The following HDAC9 variants were observed in gnomAD, a reference collection of about 807,000 sequenced individuals.
The protein encoded by HDAC9 is MEF-2 interacting transcription repressor (MITR) protein.
A neutral mutation model predicts 139.4 loss-of-function variants in HDAC9; 41 were observed. The observed-to-expected ratio is 0.29, with a 90% confidence interval of 0.23 to 0.38. The LOEUF is 0.38. HDAC9 is among the 10% of genes least tolerant of loss of function. HDAC9 has a pLI of 1.00. For synonymous variants in HDAC9, 517 were observed against 476.2 expected (o/e 1.09, Z -1.12); for missense variants, 1,147 against 1,297.0 (o/e 0.88, Z 1.78).
At chr7:18,132,006 G>C (rs1346729180) in intron 1 of HDAC9, among the ~76,000 whole-genome samples, 1 of 152,176 alleles carries the variant, frequency 6.6e-6, no homozygotes, top group Non-Finnish European at 1.5e-5. Flanking sequence ...ATCACTGCTT[G>C]TTCTGTGGGC....
chr7:18,689,219 T>C (rs1782494579), intron 12 of HDAC9, among the ~76,000 whole-genome samples: 1 of 151,468 alleles, frequency 6.6e-6, no homozygotes, highest in South Asian at 2.1e-4. Flanking sequence ...TTCTAAACAT[T>C]ATTGCAACTT....
intron 25 of HDAC9, among the ~76,000 whole-genome samples, chr7:18,985,502 C>T (rs1246685034): frequency 3.3e-5 from 5 of 152,214 alleles, no homozygotes; most frequent in South Asian, 4.2e-4. Context: ...CAAGTCTTTC[C>T]TATTGTGAAT....
chr7:18,955,075 A>G (rs937350932), intron 24 of HDAC9, among the ~76,000 whole-genome samples: 1 of 152,180 alleles, frequency 6.6e-6, no homozygotes, highest in Non-Finnish European at 1.5e-5. Flanking sequence ...ACTGAGGGCT[A>G]TATGTACCCA....
At chr7:18,410,182 C>A (rs1242361104) in intron 1 of HDAC9, among the ~76,000 whole-genome samples, 1 of 152,064 alleles carries the variant, frequency 6.6e-6, no homozygotes, top group East Asian at 1.9e-4. Flanking sequence ...AAAATTCATT[C>A]TTTAGAAATG....
At chr7:18,339,537 A>C (rs915134920) in intron 1 of HDAC9, among the ~76,000 whole-genome samples, 1 of 151,500 alleles carries the variant, frequency 6.6e-6, no homozygotes, top group African/African-American at 2.4e-5. Context: ...GATAATTTGC[A>C]TAGTAGCTTC....
intron 22 of HDAC9, among the ~76,000 whole-genome samples, chr7:18,909,476 C>G (rs1372077002): frequency 1.3e-5 from 2 of 151,892 alleles, no homozygotes; most frequent in African/African-American, 4.8e-5. Flanking sequence ...AGCTGAATGT[C>G]CCAAAGCATT....
rs778897747 is a variant in HDAC9 at position 18,162,413 on chromosome 7, T to A, written c.25+64T>A. On this transcript the variant is annotated intron_variant, in intron 2 of 12. Transcript: ENST00000417496. The stretch of plus-strand genomic sequence containing the variant: ...TGTGAAAGATGTTGCTTTGTGTTGT[T>A]TCAAACCAAGTAATTTAATTTATGA... 171 of 1,411,318 alleles carry A rather than the reference T, an allele frequency of 1.2e-4. 1 individual carries two copies. The highest frequency in any genetic ancestry group is 1.5e-4 in the Non-Finnish European group (152 of 1,046,786). 87.4% of individuals were successfully genotyped at this position (1,411,318 alleles called of 1,614,324 possible). A position where few individuals can be genotyped will look rare whatever the true frequency, so the allele number is the denominator to read the frequency against.
chr7:18,149,503 G>T (rs1319965146), intron 1 of HDAC9, among the ~76,000 whole-genome samples: 3 of 150,006 alleles, frequency 2.0e-5, no homozygotes, highest in Non-Finnish European at 3.0e-5. Flanking sequence ...CTACAGGCAC[G>T]TACCACCATG....
At chr7:18,838,953 C>T (rs1796412254) in intron 21 of HDAC9, among the ~76,000 whole-genome samples, 1 of 151,800 alleles carries the variant, frequency 6.6e-6, no homozygotes, top group African/African-American at 2.4e-5. Context: ...AAATCATAGA[C>T]AAACCAAAGA....
At chr7:18,585,863 C>G (rs1726594) in intron 3 of HDAC9, among the ~76,000 whole-genome samples, 1 of 152,026 alleles carries the variant, frequency 6.6e-6, no homozygotes, top group Non-Finnish European at 1.5e-5. Context: ...AGACCCATTT[C>G]ATATTTCATT....
chr7:18,248,675 A>C (rs1044061834), intron 2 of HDAC9, among the ~76,000 whole-genome samples: 4 of 152,198 alleles, frequency 2.6e-5, no homozygotes, highest in Non-Finnish European at 5.9e-5. Flanking sequence ...GCTAAAATGC[A>C]ATAAATGATC....
intron 1 of HDAC9, among the ~76,000 whole-genome samples, chr7:18,380,863 T>C (rs1785370682): frequency 6.6e-6 from 1 of 152,076 alleles, no homozygotes; most frequent in Non-Finnish European, 1.5e-5. Flanking sequence ...AAGCTATCTC[T>C]TCATATTTAT....
chr7:18,383,733 A>T (rs1045956245), intron 1 of HDAC9, among the ~76,000 whole-genome samples: 1 of 151,326 alleles, frequency 6.6e-6, no homozygotes, highest in African/African-American at 2.4e-5. Context: ...AAAAAAAAAT[A>T]CAAAAAATTA....
chr7:18,911,365 C>T (rs1050021769), intron 22 of HDAC9, among the ~76,000 whole-genome samples: 11 of 151,588 alleles, frequency 7.3e-5, no homozygotes, highest in African/African-American at 2.7e-4. Context: ...TAGTCGGTGT[C>T]AGTTGTAATG....
chr7:18,573,784 A>T (rs1463085723), intron 2 of HDAC9, among the ~76,000 whole-genome samples: 1 of 152,110 alleles, frequency 6.6e-6, no homozygotes, highest in Non-Finnish European at 1.5e-5. Context: ...GGATGAGGGG[A>T]ACATGGTGGC....
intron 1 of HDAC9, among the ~76,000 whole-genome samples, chr7:18,385,511 A>G (rs990011765): frequency 2.6e-5 from 4 of 152,124 alleles, no homozygotes; most frequent in African/African-American, 9.7e-5. Flanking sequence ...GATACATTGT[A>G]TTGTTTTCTG....
chr7:18,814,887 T>C (rs1044248435), intron 17 of HDAC9, among the ~76,000 whole-genome samples: 3 of 152,220 alleles, frequency 2.0e-5, no homozygotes, highest in Admixed American at 6.5e-5. Flanking sequence ...AGTTATACAA[T>C]GTACATTGCA....
At chr7:18,134,088 C>T (rs1428112831) in intron 1 of HDAC9, among the ~76,000 whole-genome samples, 1 of 151,784 alleles carries the variant, frequency 6.6e-6, no homozygotes, top group Non-Finnish European at 1.5e-5. Context: ...TCCATTACAA[C>T]CATTGTGTGA....
intron 6 of HDAC9, among the ~76,000 whole-genome samples, chr7:18,621,334 A>G (rs1010980354): frequency 5.9e-5 from 9 of 151,950 alleles, no homozygotes; most frequent in African/African-American, 2.2e-4. Flanking sequence ...CCCATTCTTA[A>G]AAATCTCAAA....
Sources: gnomAD v4.1 joint callset for allele counts (sites outside exome capture counted in the v4.1 genomes callset) on GRCh38, gnomAD v4.1.1 for gene constraint, MANE v1.5 for transcripts, NCBI Gene and HGNC (gene_info 2026-07-23, HGNC 2026-07-21) for gene names.